The following SETD2 variants were observed in gnomAD, a reference collection of about 807,000 sequenced individuals.
SETD2 encodes the protein SET domain containing 2, histone lysine methyltransferase.
A neutral mutation model predicts 242.1 loss-of-function variants in SETD2; 31 were observed. The ratio of observed to expected loss-of-function variants is 0.13; its 90% CI spans 0.10 to 0.17. SETD2 has a LOEUF of 0.17. Among genes scored for constraint, SETD2 ranks in the 10% least tolerant of loss-of-function variants. The pLI, the probability that SETD2 is intolerant of heterozygous loss-of-function variation, is 1.00. For missense variants in SETD2, 2,481 were observed against 3,046.3 expected, an observed-to-expected ratio of 0.81 and a Z score of 4.37; for synonymous variants, 1,006 against 1,066.5, an observed-to-expected ratio of 0.94 and a Z score of 1.11.
chr3:47,054,255 C>T (rs1053429846), intron 15 of SETD2, among the ~76,000 whole-genome samples: 5 of 152,136 alleles, frequency 3.3e-5, no homozygotes, highest in Non-Finnish European at 7.4e-5. Flanking sequence ...TGATGCTTGG[C>T]TCTTAGGGCT....
At chr3:47,061,331 T>A (rs187802794) in intron 14 of SETD2, among the ~76,000 whole-genome samples, 3 of 152,094 alleles carry the variant, frequency 2.0e-5, no homozygotes, top group Admixed American at 2.0e-4. Flanking sequence ...CAGAACAGAA[T>A]AGAGAATGCA....
rs2043144946 is a variant in SETD2 at position 47,122,604 on chromosome 3, CAGG to C, written c.2029_2031del (p.Pro677del). ...AATGTTGCCAAATCAGATTCTGCCC[CAGG>C]AGATCCATTTATATTTAATTCTATG... On this transcript the variant is annotated inframe_deletion, in exon 3 of 21. Transcript: ENST00000409792. 1 of 1,613,932 alleles carries C rather than the reference CAGG, an allele frequency of 6.2e-7. No homozygotes were observed. The highest frequency in any genetic ancestry group is 8.5e-7 in the Non-Finnish European group (1 of 1,179,992).
Position 47,037,725 on chromosome 3 carries a change from G to A in SETD2, c.7291C>T (p.Leu2431Phe). The A allele has an allele frequency of 6.2e-7, 1 of 1,613,912 alleles. No homozygotes were observed. The highest frequency in any genetic ancestry group is 8.5e-7 in the Non-Finnish European group (1 of 1,179,896). ...AGGTCCATCTCAGCTTCATGCTCAA[G>A]GCTGGCATCATCTCCTGGGCTTTCC... is the stretch of plus-strand genomic sequence containing the variant. ...TWESPGDDAS[L>F]EHEAEMDLGT... is the part of the protein sequence containing the mutation. Residue 2431 changes from leucine to phenylalanine, a missense_variant, in exon 18 of 21, where the codon CTT becomes TTT. By Grantham distance (22) the Leu-to-Phe change is conservative. Around this residue, in one of 17 missense-constraint regions of SETD2, gnomAD observed 235 missense variants for 293.9 expected, o/e 0.80. Coordinates refer to ENST00000409792, the MANE Select transcript of SETD2 (RefSeq NM_014159.7).
intron 6 of SETD2, among the ~76,000 whole-genome samples, chr3:47,104,302 G>A (rs2042325850): frequency 6.6e-6 from 1 of 152,136 alleles, no homozygotes; most frequent in African/African-American, 2.4e-5. Flanking sequence ...AGTGCTTTGG[G>A]AAGTTGAGGC....
chr3:47,123,747 T>G lies in SETD2; in HGVS notation c.889A>C (p.Lys297Gln), dbSNP rs761758668. The change falls in exon 3 of 21, where the codon AAG becomes CAG. Residue 297 changes from lysine (K) to glutamine (Q), a missense_variant. Lys to Gln is a moderately conservative substitution (Grantham distance 53). Transcript: ENST00000409792. ...GKDEEIPDSS[K>Q]ISLSCKKTGS... is the part of the protein sequence containing the mutation. ...GTTTTTTTACAGCTCAGACTAATCTTAGAACTATCTGGAATTTCTTCATCC... is the reference window on the plus strand; with the variant it reads ...GTTTTTTTACAGCTCAGACTAATCTGAGAACTATCTGGAATTTCTTCATCC... The G allele has an allele frequency of 3.0e-5, 47 of 1,550,010 alleles. No individual in the cohort carries two copies. The highest frequency in any genetic ancestry group is 4.0e-5 in the Non-Finnish European group (46 of 1,146,504).
intron 15 of SETD2, among the ~76,000 whole-genome samples, chr3:47,050,839 T>C (rs1377016543): frequency 6.9e-6 from 1 of 145,450 alleles, no homozygotes; most frequent in Non-Finnish European, 1.5e-5. Flanking sequence ...CAAGCAATTC[T>C]CCTGCCTCAG....
intron 12 of SETD2, among the ~76,000 whole-genome samples, chr3:47,071,430 T>C (rs1335283447): frequency 3.3e-5 from 5 of 152,178 alleles, no homozygotes; most frequent in Non-Finnish European, 5.9e-5. Context: ...TTCTAATTTA[T>C]AGAAATCACC....
chr3:47,052,589 G>A (rs1240526658), intron 15 of SETD2, among the ~76,000 whole-genome samples: 1 of 152,108 alleles, frequency 6.6e-6, no homozygotes, highest in South Asian at 2.1e-4. Context: ...GGCCGAGGCA[G>A]GTGGATCACC....
intron 16 of SETD2, among the ~76,000 whole-genome samples, chr3:47,045,972 AT>A (rs201779578): frequency 5.3e-5 from 8 of 149,564 alleles, no homozygotes; most frequent in African/African-American, 9.8e-5. Flanking sequence ...AATTAAAAAA[AT>A]TTTTTTTTTA....
In SETD2 at chr3:47,017,604, T is replaced by C. The variant is rs368660822; in HGVS notation, c.7533+34A>G. 5.6e-6 allele frequency: 8 copies of C among 1,441,164 alleles called. No homozygotes were observed. Among genetic ancestry groups the C allele is most frequent in the Non-Finnish European group, 7.8e-6 (8 of 1,022,456 alleles). The allele number at this position is 1,441,164 out of a possible 1,614,324, so 89.3% of individuals were successfully genotyped here. On this transcript the variant is annotated intron_variant, in intron 20 of 20. Coordinates refer to ENST00000409792, the MANE Select transcript of SETD2 (RefSeq NM_014159.7). The surrounding 1 kb of genome is among the most constrained non-coding windows in gnomAD (Gnocchi z 4.8). ...GAAGGTACACAGTTTGCCCAGAACA[T>C]TGCCTGGTGGGCTACCAAAAGCAAG...
At chr3:47,052,246 C>T (rs1340480215) in intron 15 of SETD2, among the ~76,000 whole-genome samples, 1 of 152,128 alleles carries the variant, frequency 6.6e-6, no homozygotes, top group Non-Finnish European at 1.5e-5. Flanking sequence ...TCTCGGCTTA[C>T]TGCAGCCTCA....
At chr3:47,057,616 T>C in intron 14 of SETD2, 126 bp from the exon 15 acceptor site, 1 of 661,502 alleles carries the variant, frequency 1.5e-6, no homozygotes, top group Non-Finnish European at 2.6e-6. Context: ...GGCACTGGTT[T>C]ACAACTATAC....
intron 1 of SETD2, among the ~76,000 whole-genome samples, chr3:47,128,203 G>C (rs1357854331): frequency 6.6e-6 from 1 of 152,172 alleles, no homozygotes; most frequent in Non-Finnish European, 1.5e-5. Context: ...CTGTTCAACA[G>C]TTCCAAAGGC....
intron 1 of SETD2, among the ~76,000 whole-genome samples, chr3:47,154,693 A>T (rs1176523955): frequency 6.6e-6 from 1 of 152,134 alleles, no homozygotes; most frequent in Non-Finnish European, 1.5e-5. Flanking sequence ...TGTTGTGGTA[A>T]TTAAAAAAAC....
At chr3:47,142,861 G>GT (rs2043764106) in intron 1 of SETD2, among the ~76,000 whole-genome samples, 1 of 152,086 alleles carries the variant, frequency 6.6e-6, no homozygotes. Flanking sequence ...CAGAGATGGG[G>GT]TTTCACCATG....
chr3:47,049,276 A>G (rs1226539793), intron 15 of SETD2, among the ~76,000 whole-genome samples: 5 of 134,058 alleles, frequency 3.7e-5, no homozygotes, highest in Admixed American at 7.8e-5. Flanking sequence ...TTCTTATTCT[A>G]TAAGTTTTTT....
rs2106727615 is a variant in SETD2 at position 47,124,417 on chromosome 3, C to T, written c.219G>A (p.Val73=). Residue 73 remains valine (V), a synonymous_variant, in exon 3 of 21, where the codon GTG becomes GTA. Coordinates refer to ENST00000409792, the MANE Select transcript of SETD2 (RefSeq NM_014159.7). ...TCTTTGTAAGGCTGAAGCTGAATGA[C>T]ACCTTCTGTCGTCCCTGTTCTTCCA... is the stretch of plus-strand genomic sequence containing the variant. ...VNLEEQGRQK[V]SFSFSLTKKT... The T allele has an allele frequency of 6.4e-7, 1 of 1,552,014 alleles. No individual in the cohort carries two copies. The highest frequency in any genetic ancestry group is 8.7e-7 in the Non-Finnish European group (1 of 1,147,074).
At chr3:47,048,690 C>T (rs985416055) in intron 15 of SETD2, among the ~76,000 whole-genome samples, 1 of 152,062 alleles carries the variant, frequency 6.6e-6, no homozygotes, top group African/African-American at 2.4e-5. Flanking sequence ...GTATAAACAA[C>T]CCTCCTCCCT....
rs779291222 is a variant in SETD2 at position 47,120,693 on chromosome 3, CAGG to C, written c.3940_3942del (p.Pro1314del). 6 of 1,614,040 alleles carry C rather than the reference CAGG, an allele frequency of 3.7e-6. No homozygotes were observed. Among genetic ancestry groups the C allele is most frequent in the Non-Finnish European group, 4.2e-6 (5 of 1,180,036 alleles). On this transcript the variant is annotated inframe_deletion, in exon 3 of 21. Coordinates refer to ENST00000409792, the MANE Select transcript of SETD2 (RefSeq NM_014159.7). ...GTTCGATCATACACAACCCCAGTTC[CAGG>C]AGGTCTACCTGATCTTGGATCCCAG...
Sources: gnomAD v4.1 joint callset for allele counts (sites outside exome capture counted in the v4.1 genomes callset) on GRCh38, gnomAD v4.1.1 for gene constraint, gnomAD v4.1.1 regional missense constraint, Gnocchi (gnomAD v3.1) non-coding constraint, MANE v1.5 for transcripts, NCBI Gene and HGNC (gene_info 2026-07-23, HGNC 2026-07-21) for gene names.